NTM: variants seen among roughly 807,000 people sequenced by gnomAD.
NTM encodes IgLON family member 2.
NTM carries 13 observed loss-of-function variants against 42.1 expected under a neutral mutation model. The ratio of observed to expected loss-of-function variants is 0.31; its 90% CI spans 0.20 to 0.49. The LOEUF is 0.49. Among genes scored for constraint, NTM ranks in the 20% least tolerant of loss-of-function variants. The pLI, the probability that NTM is intolerant of heterozygous loss-of-function variation, is 0.99. For missense variants in NTM, 373 were observed against 452.8 expected (o/e 0.82, Z 1.60); for synonymous variants, 187 against 179.2 (o/e 1.04, Z -0.35).
intron 2 of NTM, among the ~76,000 whole-genome samples, chr11:132,131,600 G>C (rs1418182943): frequency 1.4e-4 from 21 of 152,086 alleles, no homozygotes; most frequent in Non-Finnish European, 2.9e-5. Context: ...TGTGGGAAAT[G>C]GGTTGGGGCA....
chr11:131,749,327 C>A (rs2082194830), intron 1 of NTM, among the ~76,000 whole-genome samples: 1 of 152,142 alleles, frequency 6.6e-6, no homozygotes, highest in African/African-American at 2.4e-5. Flanking sequence ...ATACAGATAT[C>A]CACTCCCAGG....
At chr11:132,205,442 AATT>A (rs1406952235) in intron 3 of NTM, among the ~76,000 whole-genome samples, 3 of 152,240 alleles carry the variant, frequency 2.0e-5, no homozygotes, top group African/African-American at 7.2e-5. Context: ...CTGTTTTAAT[AATT>A]ATCTTATTTA....
intron 1 of NTM, among the ~76,000 whole-genome samples, chr11:131,521,779 G>A (rs1311905116): frequency 1.2e-4 from 19 of 152,032 alleles, no homozygotes; most frequent in Admixed American, 1.2e-3. Flanking sequence ...GTCCAAACTA[G>A]AGCAGCATTC....
At chr11:131,897,411 A>G (rs34341764) in intron 1 of NTM, among the ~76,000 whole-genome samples, 13,762 of 152,298 alleles carry the variant, frequency 0.09, 665 homozygotes, top group East Asian at 0.12. Context: ...ATCACTGTGC[A>G]AATATTGTTG....
intron 2 of NTM, among the ~76,000 whole-genome samples, chr11:131,938,200 G>A (rs374382250): frequency 6.6e-6 from 1 of 152,130 alleles, no homozygotes; most frequent in Non-Finnish European, 1.5e-5. Flanking sequence ...AGCTTTTGAC[G>A]ACAAGGGTGG....
At chr11:132,297,308 G>A (rs1310610839) in intron 4 of NTM, among the ~76,000 whole-genome samples, 2 of 152,188 alleles carry the variant, frequency 1.3e-5, no homozygotes, top group African/African-American at 2.4e-5. Context: ...TTGTCATTGA[G>A]GTTTTGCTTG....
At chr11:132,263,558 G>A (rs1211923351) in intron 4 of NTM, among the ~76,000 whole-genome samples, 2 of 152,038 alleles carry the variant, frequency 1.3e-5, no homozygotes, top group Non-Finnish European at 2.9e-5. Flanking sequence ...TGTATAATTC[G>A]GACCAGCTGA....
chr11:132,089,865 G>A (rs2060184498), intron 2 of NTM, among the ~76,000 whole-genome samples: 1 of 152,064 alleles, frequency 6.6e-6, no homozygotes, highest in African/African-American at 2.4e-5. Context: ...CTGTTCAGAA[G>A]TTTTATAACC....
At chr11:132,134,753 A>ATCTATC (rs1242114738) in intron 2 of NTM, among the ~76,000 whole-genome samples, 39 of 97,892 alleles carry the variant, frequency 4.0e-4, no homozygotes, top group East Asian at 7.3e-4. Context: ...ATATATATAT[A>ATCTATC]TATATATCTC....
intron 2 of NTM, among the ~76,000 whole-genome samples, chr11:132,067,367 C>G (rs570106088): frequency 5.3e-5 from 8 of 152,314 alleles, no homozygotes; most frequent in Non-Finnish European, 7.3e-5. Context: ...TGCCAAATTT[C>G]AGCCTGTTAC....
intron 7 of NTM, chr11:132,317,660 A>T: frequency 7.7e-7 from 1 of 1,303,474 alleles, no homozygotes; most frequent in Non-Finnish European, 1.0e-6. Context: ...TTTAGAACTA[A>T]ATGAGCCTAC....
intron 2 of NTM, among the ~76,000 whole-genome samples, chr11:132,004,725 A>T (rs1241215446): frequency 6.6e-6 from 1 of 151,952 alleles, no homozygotes; most frequent in African/African-American, 2.4e-5. Context: ...TATGTGTGGT[A>T]GGATCACAAT....
intron 1 of NTM, among the ~76,000 whole-genome samples, chr11:131,424,595 C>CTTTTT (rs1446801058): frequency 1.3e-4 from 5 of 39,612 alleles, no homozygotes; most frequent in East Asian, 9.5e-4. Context: ...TATTTCTTTT[C>CTTTTT]TTTTCTTTTT....
At chr11:131,685,490 C>T (rs2073738089) in intron 1 of NTM, among the ~76,000 whole-genome samples, 1 of 152,180 alleles carries the variant, frequency 6.6e-6, no homozygotes, top group Non-Finnish European at 1.5e-5. Context: ...AACACATTGG[C>T]CTCCATCTTC....
At chr11:132,017,032 C>T (rs955151271) in intron 2 of NTM, among the ~76,000 whole-genome samples, 1 of 151,814 alleles carries the variant, frequency 6.6e-6, no homozygotes, top group Non-Finnish European at 1.5e-5. Flanking sequence ...ATATTCTGGA[C>T]ACAAATCCTT....
intron 2 of NTM, among the ~76,000 whole-genome samples, chr11:132,063,023 A>G (rs181421893): frequency 9.2e-5 from 14 of 152,270 alleles, no homozygotes; most frequent in African/African-American, 2.6e-4. Context: ...GGTTAAAACA[A>G]CAGACATCTC....
At chr11:131,953,362 C>A (rs796337470) in intron 2 of NTM, among the ~76,000 whole-genome samples, 2 of 152,068 alleles carry the variant, frequency 1.3e-5, no homozygotes, top group East Asian at 3.9e-4. Context: ...GTATCCATAG[C>A]TTTTTGAATG....
At chr11:131,903,132 GA>G (rs59027607) in intron 1 of NTM, among the ~76,000 whole-genome samples, 118,296 of 150,196 alleles carry the variant, frequency 0.79, 46,541 homozygotes, top group East Asian at 0.87. Flanking sequence ...CTGAAGAGAA[GA>G]AAAAAAAAAA....
In NTM at chr11:132,169,320, C is replaced by CTTTTTTTTTTTTTTTTTTTTTT. The variant is rs567723794; in HGVS notation, c.400+22817_400+22838dup. Among the ~76,000 whole-genome samples, 10 of 32,372 alleles carry CTTTTTTTTTTTTTTTTTTTTTT rather than the reference C, an allele frequency of 3.1e-4. 4 individuals carry two copies. Among genetic ancestry groups the CTTTTTTTTTTTTTTTTTTTTTT allele is most frequent in the African/African-American group, 6.9e-4 (6 of 8,670 alleles). 21.2% of individuals were successfully genotyped at this position (32,372 alleles called of 152,430 possible). ...GTGATATCTAGGTTTAATTTTTTTA[C>CTTTTTTTTTTTTTTTTTTTTTT]TTTTTTTTTTTTTTTTTTTTTTTTT... On this transcript the variant is annotated intron_variant, in intron 3 of 8. Coordinates refer to ENST00000683400, the MANE Select transcript of NTM (RefSeq NM_001352005.2).
Sources: gnomAD v4.1 joint callset for allele counts (sites outside exome capture counted in the v4.1 genomes callset) on GRCh38, gnomAD v4.1.1 for gene constraint, MANE v1.5 for transcripts, NCBI Gene and HGNC (gene_info 2026-07-23, HGNC 2026-07-21) for gene names.